ATR: variants seen among roughly 807,000 people sequenced by gnomAD.
The protein encoded by ATR is serine/threonine-protein kinase ATR.
ATR carries 142 observed loss-of-function variants against 305.3 expected under a neutral mutation model. That is an observed-to-expected ratio of 0.47 (90% confidence interval 0.41 to 0.53). The LOEUF is 0.53. ATR is among the 20% of genes least tolerant of loss of function. The pLI, the probability that ATR is intolerant of heterozygous loss-of-function variation, is 0.00. For synonymous variants in ATR, 1,050 were observed against 1,068.1 expected (o/e 0.98, Z 0.33); for missense variants, 2,135 against 3,133.1 (o/e 0.68, Z 7.60).
chr3:142,482,796 C>T (rs1273255327), intron 36 of ATR, among the ~76,000 whole-genome samples: 1 of 150,594 alleles, frequency 6.6e-6, no homozygotes, highest in Non-Finnish European at 1.5e-5. Flanking sequence ...GATTGTACTG[C>T]ACTCCTGCCT....
chr3:142,516,155 G>T (rs891420545), intron 24 of ATR, among the ~76,000 whole-genome samples: 1 of 152,068 alleles, frequency 6.6e-6, no homozygotes, highest in African/African-American at 2.4e-5. Flanking sequence ...TCTGTTCCGT[G>T]ACCCTGCTAA....
intron 10 of ATR, 123 bp downstream of exon 10, chr3:142,555,754 C>T: frequency 2.5e-6 from 3 of 1,192,000 alleles, no homozygotes; most frequent in Non-Finnish European, 3.5e-6. Flanking sequence ...CAATACTGAG[C>T]ACTGAATCTA....
intron 36 of ATR, among the ~76,000 whole-genome samples, chr3:142,483,371 A>T (rs1425319768): frequency 6.6e-6 from 1 of 152,172 alleles, no homozygotes; most frequent in East Asian, 1.9e-4. Flanking sequence ...TAGGCCTGAG[A>T]TTATACTTGA....
In ATR at chr3:142,481,196, A is replaced by G. The variant is rs554755258; in HGVS notation, c.6221+3944T>C. Among the ~76,000 whole-genome samples the G allele has an allele frequency of 7.2e-5, 11 of 152,354 alleles. No individual in the cohort carries two copies. The East Asian group carries it at 1.2e-3, about 16-fold the overall frequency. ...GCGCTGCTCATGCTGGGAGCTGTAGACTGGAGCTGTTCCTATTCGGCCATC... is the reference window on the plus strand; with the variant it reads ...GCGCTGCTCATGCTGGGAGCTGTAGGCTGGAGCTGTTCCTATTCGGCCATC... On this transcript the variant is annotated intron_variant, in intron 36 of 46. Transcript: ENST00000350721.
intron 1 of ATR, among the ~76,000 whole-genome samples, chr3:142,574,275 G>C (rs1577723988): frequency 6.6e-6 from 1 of 151,498 alleles, no homozygotes; most frequent in Non-Finnish European, 1.5e-5. Flanking sequence ...GACCAGCCTG[G>C]GCAACATGGT....
chr3:142,572,831 A>G (rs1331742254), intron 1 of ATR, among the ~76,000 whole-genome samples: 1 of 152,134 alleles, frequency 6.6e-6, no homozygotes, highest in Non-Finnish European at 1.5e-5. Context: ...AGACATTTAA[A>G]GAAAAAAAAA....
At chr3:142,546,627 G>C (rs183754981) in intron 16 of ATR, among the ~76,000 whole-genome samples, 5 of 152,208 alleles carry the variant, frequency 3.3e-5, no homozygotes, top group Admixed American at 3.3e-4. Context: ...AACATTTAGA[G>C]GATAAAGTAG....
intron 35 of ATR, among the ~76,000 whole-genome samples, chr3:142,489,879 G>T (rs1466781934): frequency 6.6e-6 from 1 of 152,196 alleles, no homozygotes; most frequent in Admixed American, 6.5e-5. Flanking sequence ...TGCATTTATT[G>T]CATTAATAGG....
intron 40 of ATR, among the ~76,000 whole-genome samples, chr3:142,466,021 A>G (rs995909330): frequency 5.3e-5 from 8 of 151,748 alleles, no homozygotes; most frequent in East Asian, 1.9e-4. Flanking sequence ...AAAAAAAAAA[A>G]AAAAGAAAAG....
chr3:142,564,325 A>T (rs1489483251), intron 3 of ATR, among the ~76,000 whole-genome samples: 4 of 152,226 alleles, frequency 2.6e-5, no homozygotes, highest in African/African-American at 7.2e-5. Flanking sequence ...GGAGTCAGAC[A>T]GGCAAGGTCC....
chr3:142,488,053 C>A (rs186844510), intron 35 of ATR, among the ~76,000 whole-genome samples: 7 of 152,182 alleles, frequency 4.6e-5, no homozygotes, highest in Non-Finnish European at 1.0e-4. Flanking sequence ...GGCCTGTTTG[C>A]CCTCTGGCTT....
chr3:142,476,655 A>T (rs2108292860), intron 36 of ATR, among the ~76,000 whole-genome samples: 1 of 152,118 alleles, frequency 6.6e-6, no homozygotes, highest in South Asian at 2.1e-4. Flanking sequence ...CTTGATGGGG[A>T]TGGCATTGAA....
In ATR at chr3:142,468,077, A is replaced by G. The variant is rs756952450; in HGVS notation, c.6553-9T>C. The G allele has an allele frequency of 8.7e-6, 14 of 1,611,460 alleles. No individual in the cohort carries two copies. The East Asian group carries it at 3.1e-4, about 36-fold the overall frequency. ...CGCATGGGATAAGATGACTGTCATAAAAAAGAGTTAAATGTCATAAAAAAG... is the reference window on the plus strand; with the variant it reads ...CGCATGGGATAAGATGACTGTCATAGAAAAGAGTTAAATGTCATAAAAAAG... On this transcript the variant is annotated splice_polypyrimidine_tract_variant and intron_variant, in intron 38 of 46. Coordinates refer to ENST00000350721, the MANE Select transcript of ATR (RefSeq NM_001184.4).
chr3:142,578,538 G>C (rs1225181260), intron 1 of ATR, 108 bp downstream of exon 1: 4 of 1,273,818 alleles, frequency 3.1e-6, no homozygotes, highest in Non-Finnish European at 4.3e-6. Context: ...GCCGCAGCGG[G>C]GGCTTAGGGG....
At chr3:142,578,582 C>G in intron 1 of ATR, 64 bp downstream of exon 1, 4 of 1,543,762 alleles carry the variant, frequency 2.6e-6, no homozygotes, top group Non-Finnish European at 3.5e-6. Flanking sequence ...GAGGGGAGAG[C>G]ACGTGAAACC....
intron 35 of ATR, among the ~76,000 whole-genome samples, chr3:142,488,212 A>C (rs1559931293): frequency 6.6e-6 from 1 of 152,164 alleles, no homozygotes; most frequent in Non-Finnish European, 1.5e-5. Context: ...GTTCTGGTCC[A>C]ATGGTCCTTT....
At chr3:142,536,055 G>C (rs1577654153) in intron 20 of ATR, 53 bp downstream of exon 20, 1 of 1,248,052 alleles carries the variant, frequency 8.0e-7, no homozygotes, top group Non-Finnish European at 1.2e-6. Flanking sequence ...ATTGGAACTT[G>C]GGAACAATTC....
chr3:142,517,267 T>C (rs1302376727), intron 24 of ATR, among the ~76,000 whole-genome samples: 1 of 151,720 alleles, frequency 6.6e-6, no homozygotes, highest in Non-Finnish European at 1.5e-5. Context: ...ACTGCAGTTG[T>C]TCTATCTGGT....
intron 40 of ATR, chr3:142,465,517 AC>A (rs938139992): frequency 6.0e-5 from 12 of 198,702 alleles, no homozygotes; most frequent in Admixed American, 5.4e-4. Context: ...AAATTTAGAC[AC>A]CCCCCTTCAA....
Sources: gnomAD v4.1 joint callset for allele counts (sites outside exome capture counted in the v4.1 genomes callset) on GRCh38, gnomAD v4.1.1 for gene constraint, MANE v1.5 for transcripts, NCBI Gene and HGNC (gene_info 2026-07-23, HGNC 2026-07-21) for gene names.